Variants in TJP2 observed in about 807,000 individuals in gnomAD.
TJP2 encodes the protein Friedreich ataxia region gene X104 (tight junction protein ZO-2).
TJP2 carries 91 observed loss-of-function variants against 133.1 expected under a neutral mutation model. That is an observed-to-expected ratio of 0.68 (90% CI 0.58 to 0.81). TJP2 has a LOEUF of 0.81. TJP2 is among the 40% of genes least tolerant of loss of function. The pLI, the probability that TJP2 is intolerant of heterozygous loss-of-function variation, is 0.00. For synonymous variants in TJP2, 592 were observed against 583.4 expected, an observed-to-expected ratio of 1.01 and a Z score of -0.21; for missense variants, 1,541 against 1,565.6, an observed-to-expected ratio of 0.98 and a Z score of 0.26.
At chr9:69,167,948 C>G (rs755087707) in intron 2 of TJP2, among the ~76,000 whole-genome samples, 1 of 151,890 alleles carries the variant, frequency 6.6e-6, no homozygotes, top group African/African-American at 2.4e-5. Flanking sequence ...AACGTAGATG[C>G]CAACGTGTTG....
chr9:69,254,430 C>A lies in TJP2; in HGVS notation c.*56C>A, dbSNP rs772448896. On this transcript the variant is annotated 3_prime_UTR_variant, in exon 23 of 23. Coordinates refer to ENST00000377245, the MANE Select transcript of TJP2 (RefSeq NM_004817.4). The stretch of plus-strand genomic sequence containing the variant: ...CTGCATGGCATCAGACTAGCCACTC[C>A]TGCCAGGCCGCCGGGATGGTTCTTC... 6.2e-7 allele frequency: 1 copy of A among 1,609,004 alleles called. No individual in the cohort carries two copies. The highest frequency in any genetic ancestry group is 8.5e-7 in the Non-Finnish European group (1 of 1,177,180).
chr9:69,235,384 G>C (rs1409098035), intron 12 of TJP2, among the ~76,000 whole-genome samples: 1 of 151,892 alleles, frequency 6.6e-6, no homozygotes, highest in East Asian at 1.9e-4. Context: ...GTGCAGTGGA[G>C]CAATCTTGGC....
intron 2 of TJP2, among the ~76,000 whole-genome samples, chr9:69,153,476 C>T (rs901825809): frequency 1.3e-5 from 2 of 152,036 alleles, no homozygotes; most frequent in Non-Finnish European, 2.9e-5. Flanking sequence ...CCCAGCTACT[C>T]GGGAGGCTGA....
chr9:69,222,300 C>T (rs550070449), intron 5 of TJP2, among the ~76,000 whole-genome samples: 46 of 151,686 alleles, frequency 3.0e-4, no homozygotes, highest in Admixed American at 2.8e-3. Flanking sequence ...CCTCAGTCTC[C>T]GAAGTAGGTG....
At chr9:69,181,743 T>C (rs976248470) in intron 1 of TJP2, among the ~76,000 whole-genome samples, 1 of 148,400 alleles carries the variant, frequency 6.7e-6, no homozygotes, top group African/African-American at 2.5e-5. Context: ...GCTTGCTTTC[T>C]TTTTTTTTTA....
chr9:69,221,027 G>A lies in TJP2; in HGVS notation c.483G>A (p.Leu161=). 6.2e-7 allele frequency: 1 copy of A among 1,609,242 alleles called. No individual in the cohort carries two copies. The highest frequency in any genetic ancestry group is 8.5e-7 in the Non-Finnish European group (1 of 1,178,504). The stretch of plus-strand genomic sequence containing the variant: ...GTGGCTACAGCGAGAGGAGCCGGCT[G>A]AACAGCCATGGGGGGCGCAGCCGCA... ...FRSGYSERSR[L]NSHGGRSRSW... is the part of the protein sequence containing the mutation. Residue 161 remains leucine (L), a synonymous_variant, in exon 5 of 23, where the codon CTG becomes CTA. Transcript: ENST00000377245.
intron 1 of TJP2, among the ~76,000 whole-genome samples, chr9:69,209,122 G>A (rs566064482): frequency 1.7e-4 from 26 of 152,070 alleles, no homozygotes; most frequent in Non-Finnish European, 3.4e-4. Flanking sequence ...GAGTTCAGTT[G>A]AGTGTCTGCT....
chr9:69,235,108 G>A (rs2133376423), intron 12 of TJP2, among the ~76,000 whole-genome samples: 1 of 152,336 alleles, frequency 6.6e-6, no homozygotes, highest in East Asian at 1.9e-4. Flanking sequence ...AGACTGGCAA[G>A]TGCCAAGATC....
intron 2 of TJP2, among the ~76,000 whole-genome samples, chr9:69,168,235 G>A (rs1336649019): frequency 2.0e-5 from 3 of 152,174 alleles, no homozygotes; most frequent in Admixed American, 6.5e-5. Flanking sequence ...ATACTTTGCT[G>A]TCTTTGTAAT....
intron 1 of TJP2, among the ~76,000 whole-genome samples, chr9:69,181,384 G>T (rs1023591053): frequency 7.3e-5 from 11 of 151,498 alleles, no homozygotes; most frequent in Admixed American, 3.3e-4. Context: ...AAGTAGCTGG[G>T]ATTACAGGCA....
At chr9:69,191,180 C>A (rs1361178546) in intron 1 of TJP2, among the ~76,000 whole-genome samples, 1 of 152,320 alleles carries the variant, frequency 6.6e-6, no homozygotes, top group East Asian at 1.9e-4. Flanking sequence ...GACCTGATAA[C>A]AAGGGCCACT....
At chr9:69,230,552 AT>A (rs1829695534) in intron 11 of TJP2, among the ~76,000 whole-genome samples, 2 of 152,202 alleles carry the variant, frequency 1.3e-5, no homozygotes, top group South Asian at 4.2e-4. Flanking sequence ...GATTTTTCTG[AT>A]TTTTGCTTTT....
At chr9:69,122,609 T>C (rs1822196175) in intron 1 of TJP2, among the ~76,000 whole-genome samples, 1 of 152,168 alleles carries the variant, frequency 6.6e-6, no homozygotes, top group East Asian at 1.9e-4. Context: ...CAAAACCGAG[T>C]TGGAGATCTT....
chr9:69,237,170 G>C (rs1262615946), intron 14 of TJP2, 34 bp downstream of exon 14: 3 of 1,612,400 alleles, frequency 1.9e-6, no homozygotes, highest in South Asian at 2.2e-5. Context: ...GAAATGAACT[G>C]ACTGGGCTCT....
chr9:69,130,502 G>C (rs73647081), intron 1 of TJP2, among the ~76,000 whole-genome samples: 3,738 of 152,122 alleles, frequency 0.025, 159 homozygotes, highest in African/African-American at 0.085. Flanking sequence ...TGGGGCGGGG[G>C]CTCAAGAATC....
At chr9:69,211,386 A>G (rs1465182747) in intron 1 of TJP2, among the ~76,000 whole-genome samples, 1 of 152,004 alleles carries the variant, frequency 6.6e-6, no homozygotes, top group African/African-American at 2.4e-5. Context: ...TATTATAGAT[A>G]CTCCATTTTT....
chr9:69,181,707 T>C (rs1587988811), intron 1 of TJP2, among the ~76,000 whole-genome samples: 1 of 152,210 alleles, frequency 6.6e-6, no homozygotes, highest in Admixed American at 6.5e-5. Context: ...GTTTTTGTGC[T>C]CCTTAAACTA....
intron 1 of TJP2, among the ~76,000 whole-genome samples, chr9:69,182,536 G>A (rs1825586688): frequency 6.6e-6 from 1 of 152,142 alleles, no homozygotes; most frequent in Non-Finnish European, 1.5e-5. Context: ...CAGTTTGGCA[G>A]ATGACTTTGG....
At chr9:69,186,489 AT>A (rs986103644) in intron 1 of TJP2, among the ~76,000 whole-genome samples, 1 of 152,238 alleles carries the variant, frequency 6.6e-6, no homozygotes, top group Non-Finnish European at 1.5e-5. Context: ...CTAGAAATAT[AT>A]TGACAGAATT....
Sources: allele counts gnomAD v4.1 joint callset (sites outside exome capture counted in the v4.1 genomes callset), GRCh38; gene constraint gnomAD v4.1.1; transcripts MANE v1.5; gene names NCBI Gene and HGNC (gene_info 2026-07-23, HGNC 2026-07-21).